Variants in FAM222B observed in about 807,000 individuals in gnomAD.
FAM222B encodes protein FAM222B.
A neutral mutation model predicts 38.0 loss-of-function variants in FAM222B; 12 were observed. That is an observed-to-expected ratio of 0.32 (90% CI 0.20 to 0.51). The LOEUF is 0.51. FAM222B is among the 20% of genes least tolerant of loss of function. The pLI is 0.97. For synonymous variants in FAM222B, 329 were observed against 317.2 expected, an observed-to-expected ratio of 1.04 and a Z score of -0.40; for missense variants, 716 against 754.2, an observed-to-expected ratio of 0.95 and a Z score of 0.59.
In FAM222B at chr17:28,758,907, C is replaced by T. The variant is rs764115309; in HGVS notation, c.1052G>A (p.Arg351His). Residue 351 changes from arginine (R) to histidine (H), a missense_variant, in exon 3 of 3, where the codon CGC (arginine) becomes CAC (histidine). Arg to His is a conservative substitution (Grantham distance 29, BLOSUM62 0). Transcript: ENST00000581407. The part of the protein sequence containing the change: ...GPVNLPTGIS[R>H]VPTGYPSDLK... ...GTCGCTAGGGTAGCCAGTGGGGACGCGAGAGATGCCTGTGGGCAGGTTGAC... is the reference window on the plus strand; with the variant it reads ...GTCGCTAGGGTAGCCAGTGGGGACGTGAGAGATGCCTGTGGGCAGGTTGAC... 5 of 1,609,060 alleles carry T rather than the reference C, an allele frequency of 3.1e-6. No homozygotes were observed. The African/African-American group carries it at 6.7e-5, about 21-fold the overall frequency.
chr17:28,834,011 C>T (rs1325984317), intron 1 of FAM222B, among the ~76,000 whole-genome samples: 1 of 152,160 alleles, frequency 6.6e-6, no homozygotes, highest in Non-Finnish European at 1.5e-5. Context: ...CTTAGTTGTC[C>T]ATGCCAGCAA....
chr17:28,787,715 A>G (rs1454254739), intron 1 of FAM222B, among the ~76,000 whole-genome samples: 1 of 152,204 alleles, frequency 6.6e-6, no homozygotes, highest in Non-Finnish European at 1.5e-5. Flanking sequence ...TGTTAGAATA[A>G]TACTTTCATA....
At chr17:28,765,214 G>A (rs908453082) in intron 2 of FAM222B, among the ~76,000 whole-genome samples, 1 of 152,208 alleles carries the variant, frequency 6.6e-6, no homozygotes, top group African/African-American at 2.4e-5. Flanking sequence ...TCAAAGAAAT[G>A]AAGTCTAAAG....
chr17:28,804,298 A>G (rs941973535), intron 1 of FAM222B, among the ~76,000 whole-genome samples: 1 of 150,760 alleles, frequency 6.6e-6, no homozygotes, highest in Non-Finnish European at 1.5e-5. Flanking sequence ...CCTCTTATAT[A>G]TTTACCCTAC....
chr17:28,818,324 C>T (rs555832381), intron 1 of FAM222B, among the ~76,000 whole-genome samples: 14 of 152,032 alleles, frequency 9.2e-5, no homozygotes, highest in African/African-American at 3.4e-4. Flanking sequence ...GTCAGGAGAT[C>T]GAGACCATCT....
rs748197585 is a variant in FAM222B at position 28,759,008 on chromosome 17, T to G, written c.951A>C (p.Thr317=). 2 of 1,612,870 alleles carry G rather than the reference T, an allele frequency of 1.2e-6. No homozygotes were observed. Among genetic ancestry groups the G allele is most frequent in the South Asian group, 2.2e-5 (2 of 90,860 alleles). Reference sequence around the variant, plus strand: ...GATTGACCACACATGAAGGCATTGGTGTGGGGACGCTGTGGGTCGACACCC... The same window carrying G: ...GATTGACCACACATGAAGGCATTGGGGTGGGGACGCTGTGGGTCGACACCC... ...STRVSTHSVP[T]PMPSCVVNPM... is the part of the protein sequence containing the mutation. The change falls in exon 3 of 3, where the codon ACA becomes ACC. Residue 317 remains threonine, a synonymous_variant. Coordinates refer to ENST00000581407, the MANE Select transcript of FAM222B (RefSeq NM_001077498.3). This position sits in a 1 kb window ranked among gnomAD's most constrained non-coding sequence, Gnocchi z 4.8.
upstream of FAM222B, among the ~76,000 whole-genome samples, chr17:28,844,148 T>A (rs2039122246): frequency 6.6e-6 from 1 of 152,080 alleles, no homozygotes; most frequent in African/African-American, 2.4e-5. Context: ...CTAAGCTCAA[T>A]CGAGTCCTGA....
chr17:28,826,497 A>G (rs1370517151), intron 1 of FAM222B, among the ~76,000 whole-genome samples: 4 of 148,974 alleles, frequency 2.7e-5, no homozygotes, highest in African/African-American at 9.8e-5. Flanking sequence ...CCTGACTAAC[A>G]TGGTGAAACC....
chr17:28,840,784 C>A (rs972783601), intron 1 of FAM222B, among the ~76,000 whole-genome samples: 2 of 151,326 alleles, frequency 1.3e-5, no homozygotes, highest in Non-Finnish European at 2.9e-5. Flanking sequence ...ATGGAGAAAC[C>A]CCGAGTGTAC....
At chr17:28,791,521 C>A (rs1388801005) in intron 1 of FAM222B, among the ~76,000 whole-genome samples, 1 of 151,872 alleles carries the variant, frequency 6.6e-6, no homozygotes, top group East Asian at 1.9e-4. Flanking sequence ...TTCATGGACT[C>A]CCTTATTCTA....
chr17:28,817,828 C>T (rs778780980), intron 1 of FAM222B, among the ~76,000 whole-genome samples: 17 of 152,072 alleles, frequency 1.1e-4, no homozygotes, highest in Non-Finnish European at 2.4e-4. Context: ...GAGAATCATT[C>T]CTAGAAGAGA....
chr17:28,772,952 T>C (rs1425510507), intron 1 of FAM222B, among the ~76,000 whole-genome samples: 2 of 152,088 alleles, frequency 1.3e-5, no homozygotes, highest in African/African-American at 2.4e-5. Flanking sequence ...AATGAATTTA[T>C]TGATAGCAAA....
intron 1 of FAM222B, chr17:28,802,586 G>A (rs1431282465): frequency 1.2e-5 from 2 of 162,476 alleles, no homozygotes; most frequent in Non-Finnish European, 2.8e-5. Context: ...GGCACTCAAA[G>A]AGATCTGGAA....
chr17:28,795,643 G>A (rs1357219250), intron 1 of FAM222B, among the ~76,000 whole-genome samples: 1 of 151,982 alleles, frequency 6.6e-6, no homozygotes, highest in African/African-American at 2.4e-5. Context: ...TGTTTCCCAG[G>A]CTGGTCTCAA....
chr17:28,780,582 A>C (rs1049499870), intron 1 of FAM222B, among the ~76,000 whole-genome samples: 5 of 152,154 alleles, frequency 3.3e-5, no homozygotes, highest in African/African-American at 1.2e-4. Context: ...TACACTAATA[A>C]GTATAAAATA....
At position 28,759,025 on chromosome 17, in the gene FAM222B, T is replaced by C. The variant is rs1481327953; in HGVS notation, c.934A>G (p.Thr312Ala). 1 of 1,612,956 alleles carries C rather than the reference T, an allele frequency of 6.2e-7. No homozygotes were observed. The highest frequency in any genetic ancestry group is 8.5e-7 in the Non-Finnish European group (1 of 1,179,510). Residue 312 changes from threonine (T) to alanine (A), a missense_variant, in exon 3 of 3, where the codon ACC (threonine) becomes GCC (alanine). Coordinates refer to ENST00000581407, the MANE Select transcript of FAM222B (RefSeq NM_001077498.3). The surrounding 1 kb of genome is among the most constrained non-coding windows in gnomAD (Gnocchi z 4.8). ...LLINASTRVS[T>A]HSVPTPMPSC... ...GGCATTGGTGTGGGGACGCTGTGGG[T>C]CGACACCCGGGTGCTTGCATTGATG...
At chr17:28,789,200 C>CTT (rs796959212) in intron 1 of FAM222B, among the ~76,000 whole-genome samples, 18 of 139,714 alleles carry the variant, frequency 1.3e-4, no homozygotes, top group Non-Finnish European at 2.7e-4. Context: ...ATTCTGTGTC[C>CTT]TTTTTTTTTT....
rs752755670 is a variant in FAM222B at position 28,759,070 on chromosome 17, G to A, written c.889C>T (p.Pro297Ser). 1.9e-6 allele frequency: 3 copies of A among 1,612,080 alleles called. No homozygotes were observed. The highest frequency in any genetic ancestry group is 2.5e-6 in the Non-Finnish European group (3 of 1,179,136). The change falls in exon 3 of 3, where the codon CCC (proline) becomes TCC (serine). Residue 297 changes from proline to serine, a missense_variant. Coordinates refer to ENST00000581407, the MANE Select transcript of FAM222B (RefSeq NM_001077498.3). The surrounding 1 kb of genome is among the most constrained non-coding windows in gnomAD (Gnocchi z 4.8). ...TTGATGAGCAGACTGCGACTAATGG[G>A]GCTGGGGTTGGCGATCTGGCCCTCA... ...VCEGQIANPS[P>S]ISRSLLINAS... is the part of the protein sequence containing the mutation.
chr17:28,850,998 A>G (rs1567915725), intron 1 of FAM222B, among the ~76,000 whole-genome samples: 1 of 151,756 alleles, frequency 6.6e-6, no homozygotes, highest in East Asian at 2.0e-4. Flanking sequence ...GTGCGCCTGT[A>G]ATCCCACCTA....
Sources: allele counts gnomAD v4.1 joint callset (sites outside exome capture counted in the v4.1 genomes callset), GRCh38; gene constraint gnomAD v4.1.1; non-coding constraint Gnocchi (gnomAD v3.1); transcripts MANE v1.5; gene names NCBI Gene and HGNC (gene_info 2026-07-23, HGNC 2026-07-21).